DYNC1I1: variants seen among roughly 807,000 people sequenced by gnomAD.
DYNC1I1 encodes the protein dynein cytoplasmic 1 intermediate chain 1.
Under a neutral mutation model 86.6 loss-of-function variants are expected in DYNC1I1, and 43 were observed. The ratio of observed to expected loss-of-function variants is 0.50; its 90% CI spans 0.39 to 0.64. The LOEUF is 0.64. Among genes scored for constraint, DYNC1I1 ranks in the 30% least tolerant of loss-of-function variants. DYNC1I1 has a pLI of 0.00. For synonymous variants in DYNC1I1, 262 were observed against 283.7 expected (o/e 0.92, Z 0.77); for missense variants, 604 against 788.8 (o/e 0.77, Z 2.81).
At chr7:96,000,849 C>T (rs1317421293) in intron 10 of DYNC1I1, among the ~76,000 whole-genome samples, 1 of 152,128 alleles carries the variant, frequency 6.6e-6, no homozygotes, top group African/African-American at 2.4e-5. Flanking sequence ...GTAGGTGATT[C>T]CTCATCTGAA....
chr7:96,050,986 T>C (rs1789389094), intron 14 of DYNC1I1, among the ~76,000 whole-genome samples: 1 of 152,298 alleles, frequency 6.6e-6, no homozygotes, highest in South Asian at 2.1e-4. Flanking sequence ...TTCCTGTCCA[T>C]CAAAACATGC....
At chr7:95,806,635 A>G (rs1167906256) in intron 2 of DYNC1I1, among the ~76,000 whole-genome samples, 1 of 152,186 alleles carries the variant, frequency 6.6e-6, no homozygotes, top group East Asian at 1.9e-4. Flanking sequence ...ACTGTGCTCT[A>G]CAGAGTCAGA....
intron 10 of DYNC1I1, among the ~76,000 whole-genome samples, chr7:96,016,621 G>C (rs1046507043): frequency 2.6e-5 from 4 of 152,026 alleles, no homozygotes; most frequent in African/African-American, 7.2e-5. Context: ...TATTGTGCTG[G>C]TAAAAAATAA....
intron 5 of DYNC1I1, among the ~76,000 whole-genome samples, chr7:95,868,944 G>C (rs756785215): frequency 1.7e-4 from 25 of 146,566 alleles, no homozygotes; most frequent in African/African-American, 6.5e-4. Flanking sequence ...TGTTTCCTGG[G>C]TGTCTCAGGA....
intron 6 of DYNC1I1, among the ~76,000 whole-genome samples, chr7:95,874,791 G>C (rs932765908): frequency 2.0e-5 from 3 of 152,182 alleles, no homozygotes; most frequent in Non-Finnish European, 4.4e-5. Flanking sequence ...CTTGATCTTG[G>C]ACTTCCCAGC....
intron 4 of DYNC1I1, among the ~76,000 whole-genome samples, chr7:95,817,480 C>T (rs1364397281): frequency 6.6e-6 from 1 of 152,058 alleles, no homozygotes; most frequent in African/African-American, 2.4e-5. Flanking sequence ...AAGTAATGCT[C>T]TATAAAGTAC....
chr7:95,957,960 G>A (rs1792763334), intron 6 of DYNC1I1, among the ~76,000 whole-genome samples: 1 of 152,206 alleles, frequency 6.6e-6, no homozygotes, highest in Non-Finnish European at 1.5e-5. Flanking sequence ...TCTTCAGTGA[G>A]TGAGTGGTTC....
At chr7:96,041,229 T>C (rs868047655) in intron 14 of DYNC1I1, among the ~76,000 whole-genome samples, 3 of 152,146 alleles carry the variant, frequency 2.0e-5, no homozygotes, top group African/African-American at 7.2e-5. Flanking sequence ...TATGAAAAGA[T>C]AACAACCTCA....
chr7:96,056,903 T>C (rs1397793146), intron 14 of DYNC1I1, among the ~76,000 whole-genome samples: 2 of 152,196 alleles, frequency 1.3e-5, no homozygotes, highest in East Asian at 3.8e-4. Context: ...TAACCAAGCA[T>C]ACCAAAGAAT....
At chr7:95,794,600 C>T (rs1266234603) in intron 1 of DYNC1I1, among the ~76,000 whole-genome samples, 1 of 152,026 alleles carries the variant, frequency 6.6e-6, no homozygotes, top group East Asian at 1.9e-4. Context: ...GGGCAGATAC[C>T]CTATGGATTG....
At chr7:96,024,040 T>C (rs1794618253) in intron 10 of DYNC1I1, among the ~76,000 whole-genome samples, 1 of 152,180 alleles carries the variant, frequency 6.6e-6, no homozygotes, top group Non-Finnish European at 1.5e-5. Flanking sequence ...TGACAGTCAG[T>C]CTTACCAGTT....
chr7:96,093,185 G>A (rs1166769116), intron 16 of DYNC1I1, among the ~76,000 whole-genome samples: 2 of 152,104 alleles, frequency 1.3e-5, no homozygotes, highest in African/African-American at 2.4e-5. Flanking sequence ...ACAATTTAAA[G>A]AAAAAGAATG....
chr7:96,051,633 T>G (rs1423272374), intron 14 of DYNC1I1, among the ~76,000 whole-genome samples: 1 of 152,154 alleles, frequency 6.6e-6, no homozygotes, highest in East Asian at 1.9e-4. Context: ...GAGAATAAAA[T>G]TTTCTAAGTG....
intron 6 of DYNC1I1, among the ~76,000 whole-genome samples, chr7:95,952,596 T>A (rs912716850): frequency 2.0e-5 from 3 of 152,194 alleles, no homozygotes; most frequent in African/African-American, 7.2e-5. Flanking sequence ...AGCCCAAGGG[T>A]GCACGTGGCC....
intron 6 of DYNC1I1, among the ~76,000 whole-genome samples, chr7:95,920,619 A>G (rs10259696): frequency 0.038 from 5,853 of 152,328 alleles, 135 homozygotes; most frequent in South Asian, 0.13. Flanking sequence ...CACTAAAACT[A>G]TTGTAAAATT....
intron 13 of DYNC1I1, among the ~76,000 whole-genome samples, chr7:96,036,830 T>C (rs1413966572): frequency 6.6e-6 from 1 of 152,188 alleles, no homozygotes; most frequent in Non-Finnish European, 1.5e-5. Context: ...GTTGTCAGTA[T>C]AAAGTGGAAT....
intron 6 of DYNC1I1, among the ~76,000 whole-genome samples, chr7:95,939,374 T>A (rs545378130): frequency 1.3e-5 from 2 of 152,180 alleles, no homozygotes; most frequent in African/African-American, 4.8e-5. Context: ...GTCTCATTGA[T>A]CTGTCTAATG....
intron 6 of DYNC1I1, among the ~76,000 whole-genome samples, chr7:95,898,008 T>C (rs1790931476): frequency 6.6e-6 from 1 of 152,356 alleles, no homozygotes; most frequent in East Asian, 1.9e-4. Flanking sequence ...TTAAAATTGC[T>C]GTTGGAATTT....
At chr7:96,099,169 T>C (rs1791089689), downstream of DYNC1I1, among the ~76,000 whole-genome samples, 1 of 152,222 alleles carries the variant, frequency 6.6e-6, no homozygotes, top group Admixed American at 6.5e-5. Context: ...TGCATTATTA[T>C]GATAGACCAA....
Sources: allele counts gnomAD v4.1 joint callset (sites outside exome capture counted in the v4.1 genomes callset), GRCh38; gene constraint gnomAD v4.1.1; transcripts MANE v1.5; gene names NCBI Gene and HGNC (gene_info 2026-07-23, HGNC 2026-07-21).